CPNE4: variants seen among roughly 807,000 people sequenced by gnomAD.
The protein encoded by CPNE4 is copine-4.
In CPNE4, 25 loss-of-function variants were observed where a neutral mutation model predicts 67.9. That is an observed-to-expected ratio of 0.37 (90% CI 0.27 to 0.51). The LOEUF (loss-of-function observed/expected upper bound fraction) is 0.51. Ranked by LOEUF, CPNE4 falls within the 20% of genes least tolerant of loss-of-function variation. The probability of loss-of-function intolerance (pLI) is 0.93; values close to 1 mark genes in which losing one functional copy is unlikely to be tolerated. For synonymous variants in CPNE4, 242 were observed against 244.9 expected, an observed-to-expected ratio of 0.99 and a Z score of 0.11; for missense variants, 464 against 690.8, an observed-to-expected ratio of 0.67 and a Z score of 3.68.
At chr3:131,898,358 A>G (rs1235550095) in intron 2 of CPNE4, among the ~76,000 whole-genome samples, 1 of 152,120 alleles carries the variant, frequency 6.6e-6, no homozygotes, top group East Asian at 1.9e-4. Context: ...TTGAATGCCC[A>G]GAATGTGGCT....
At chr3:131,859,739 G>A (rs2086596252) in intron 2 of CPNE4, among the ~76,000 whole-genome samples, 1 of 152,160 alleles carries the variant, frequency 6.6e-6, no homozygotes, top group Admixed American at 6.6e-5. Context: ...CACTGCAGAT[G>A]ACAAGTGTCC....
chr3:131,968,247 T>C (rs904212050), intron 1 of CPNE4, among the ~76,000 whole-genome samples: 17 of 152,052 alleles, frequency 1.1e-4, no homozygotes, highest in African/African-American at 3.9e-4. Context: ...CCTAAAACCA[T>C]AAAAACCCTA....
intron 7 of CPNE4, among the ~76,000 whole-genome samples, chr3:131,621,136 G>A (rs1940442267): frequency 6.6e-6 from 1 of 152,198 alleles, no homozygotes; most frequent in Admixed American, 6.5e-5. Context: ...ATTTCTGGGT[G>A]AATAAGCCCT....
At chr3:131,818,283 A>G (rs2084826308) in intron 2 of CPNE4, among the ~76,000 whole-genome samples, 2 of 152,320 alleles carry the variant, frequency 1.3e-5, no homozygotes, top group South Asian at 4.1e-4. Context: ...CAGCCCATAC[A>G]GGGAAAAATA....
At chr3:131,707,901 A>G (rs1371823603) in intron 3 of CPNE4, among the ~76,000 whole-genome samples, 1 of 152,028 alleles carries the variant, frequency 6.6e-6, no homozygotes, top group Non-Finnish European at 1.5e-5. Flanking sequence ...GGGCAGATTA[A>G]CCTCTCTGAG....
intron 9 of CPNE4, among the ~76,000 whole-genome samples, chr3:131,576,674 C>G (rs1269784312): frequency 6.6e-6 from 1 of 151,908 alleles, no homozygotes; most frequent in Non-Finnish European, 1.5e-5. Flanking sequence ...CAGGATAGGT[C>G]AGGAAGCAAA....
intron 5 of CPNE4, 90 bp from the exon 6 acceptor site, chr3:131,686,048 C>A: frequency 1.4e-6 from 1 of 717,412 alleles, no homozygotes; most frequent in South Asian, 1.8e-5. Context: ...CAGGAAAACC[C>A]TCTTGATTTC....
In CPNE4 at chr3:131,991,618, G is replaced by A. The variant is rs138482926; in HGVS notation, c.-2+42949C>T. On this transcript the variant is annotated intron_variant, in intron 1 of 15. Coordinates refer to ENST00000429747, the MANE Select transcript of CPNE4 (RefSeq NM_130808.3). ...TGGAAGATTTGCAACCTGACAATGC[G>A]ATAGAAAAGAAAAATCCATTTTCTG... is the stretch of plus-strand genomic sequence containing the variant. Among the ~76,000 whole-genome samples the A allele has an allele frequency of 2.6e-4, 35 of 136,098 alleles. 2 individuals are homozygous for A. The highest frequency in any genetic ancestry group is 7.4e-4 in the African/African-American group (30 of 40,792). The allele number at this position is 136,098 out of a possible 152,430, so 89.3% of individuals were successfully genotyped here.
chr3:131,977,323 G>A (rs2072688182), intron 1 of CPNE4, among the ~76,000 whole-genome samples: 2 of 152,104 alleles, frequency 1.3e-5, no homozygotes, highest in Non-Finnish European at 1.5e-5. Context: ...ATTAGTCCAA[G>A]CAAGACACCA....
At chr3:131,971,658 G>C (rs997318458) in intron 1 of CPNE4, among the ~76,000 whole-genome samples, 4 of 152,054 alleles carry the variant, frequency 2.6e-5, no homozygotes. Flanking sequence ...TATATTCCCT[G>C]GAAGTCTGGT....
intron 7 of CPNE4, among the ~76,000 whole-genome samples, chr3:131,598,854 C>G (rs56322490): frequency 2.7e-5 from 4 of 147,808 alleles, no homozygotes; most frequent in Admixed American, 1.3e-4. Flanking sequence ...CCCCCACCCC[C>G]CCGCCAAAAA....
chr3:131,761,411 A>G (rs1360557537), intron 2 of CPNE4, among the ~76,000 whole-genome samples: 1 of 151,984 alleles, frequency 6.6e-6, no homozygotes, highest in Non-Finnish European at 1.5e-5. Flanking sequence ...TAATCAGATT[A>G]CCAAAGTCAC....
intron 7 of CPNE4, among the ~76,000 whole-genome samples, chr3:131,654,426 G>A (rs1334906327): frequency 6.6e-6 from 1 of 151,860 alleles, no homozygotes; most frequent in Admixed American, 6.6e-5. Context: ...AGGCCCCAGC[G>A]TCTGTTGTTC....
At chr3:131,737,584 A>G (rs1174399972) in intron 2 of CPNE4, among the ~76,000 whole-genome samples, 1 of 152,138 alleles carries the variant, frequency 6.6e-6, no homozygotes, top group African/African-American at 2.4e-5. Context: ...TACATTTTAC[A>G]AGCACAGGGC....
intron 1 of CPNE4, among the ~76,000 whole-genome samples, chr3:131,925,949 G>T (rs1301195134): frequency 2.0e-5 from 3 of 152,150 alleles, no homozygotes; most frequent in African/African-American, 7.2e-5. Flanking sequence ...GAGTGAGAAA[G>T]TCAGAAACAC....
At chr3:131,667,722 C>T (rs146179194) in intron 7 of CPNE4, among the ~76,000 whole-genome samples, 257 of 152,034 alleles carry the variant, frequency 1.7e-3, no homozygotes, top group African/African-American at 5.7e-3. Flanking sequence ...TTCCTTACCT[C>T]CTACTTATTT....
chr3:131,803,937 AT>A (rs1360363158), intron 2 of CPNE4, among the ~76,000 whole-genome samples: 8 of 152,200 alleles, frequency 5.3e-5, no homozygotes, highest in Non-Finnish European at 1.2e-4. Context: ...ATCTCTGAGC[AT>A]CTGAGTTTAT....
chr3:131,763,035 A>T (rs1434533002), intron 2 of CPNE4, among the ~76,000 whole-genome samples: 1 of 152,088 alleles, frequency 6.6e-6, no homozygotes, highest in Non-Finnish European at 1.5e-5. Flanking sequence ...AAAACAAAAA[A>T]ACAATCTTTT....
In CPNE4 at chr3:131,642,878, C is replaced by T. The variant is rs768391622; in HGVS notation, c.681+26797G>A. Among the ~76,000 whole-genome samples, 3 of 152,142 alleles carry T rather than the reference C, an allele frequency of 2.0e-5. No individual in the cohort carries two copies. The East Asian group carries it at 5.8e-4, about 29-fold the overall frequency. ...ATAAATAACCCTGTCTAGGTTATTT[C>T]TTCATAGCATCATAGAATGGACTAA... is the stretch of plus-strand genomic sequence containing the variant. On this transcript the variant is annotated intron_variant, in intron 7 of 15. Coordinates refer to ENST00000429747, the MANE Select transcript of CPNE4 (RefSeq NM_130808.3).
Sources: allele counts gnomAD v4.1 joint callset (sites outside exome capture counted in the v4.1 genomes callset), GRCh38; gene constraint gnomAD v4.1.1; transcripts MANE v1.5; gene names NCBI Gene and HGNC (gene_info 2026-07-23, HGNC 2026-07-21).